Variants in NDST3 observed in about 807,000 individuals in gnomAD.
NDST3 encodes the protein N-deacetylase and N-sulfotransferase 3.
Under a neutral mutation model 96.1 loss-of-function variants are expected in NDST3, and 58 were observed. That is an observed-to-expected ratio of 0.60 (90% confidence interval 0.49 to 0.75). The LOEUF is 0.75. NDST3 is among the 30% of genes least tolerant of loss of function. NDST3 has a pLI of 0.00. For missense variants in NDST3, 788 were observed against 1,034.2 expected (o/e 0.76, Z 3.27); for synonymous variants, 333 against 359.7 (o/e 0.93, Z 0.84).
intron 1 of NDST3, among the ~76,000 whole-genome samples, chr4:118,045,933 G>T (rs1337115226): frequency 1.3e-5 from 2 of 151,802 alleles, no homozygotes; most frequent in Admixed American, 1.3e-4. Context: ...ATAAGGTTTT[G>T]CTCTAAGAAG....
chr4:118,150,938 G>A (rs1345603240), intron 6 of NDST3, among the ~76,000 whole-genome samples: 10 of 151,274 alleles, frequency 6.6e-5, no homozygotes, highest in Admixed American at 1.3e-4. Flanking sequence ...ACATGCACAC[G>A]TATGTTTATT....
chr4:118,096,174 T>C (rs995671999), intron 2 of NDST3, among the ~76,000 whole-genome samples: 1 of 151,900 alleles, frequency 6.6e-6, no homozygotes, highest in Non-Finnish European at 1.5e-5. Flanking sequence ...CTGAACCACA[T>C]TACAGTCCCA....
At chr4:118,199,396 G>A (rs1381340967) in intron 6 of NDST3, among the ~76,000 whole-genome samples, 1 of 152,034 alleles carries the variant, frequency 6.6e-6, no homozygotes, top group African/African-American at 2.4e-5. Context: ...CAGAATTTCT[G>A]CATGATCCTT....
rs186942954 is a variant in NDST3, at chr4:118,218,794, C to G, written c.1540-5697C>G. On this transcript the variant is annotated intron_variant, in intron 6 of 13. Coordinates refer to ENST00000296499, the MANE Select transcript of NDST3 (RefSeq NM_004784.3). ...GCATGATTCTATACTTAGAAAACCCCATCGTCTCAGCTCCAAACTCGTTAA... is the reference window on the plus strand; with the variant it reads ...GCATGATTCTATACTTAGAAAACCCGATCGTCTCAGCTCCAAACTCGTTAA... 9.2e-4 allele frequency among the ~76,000 whole-genome samples: 140 copies of G among 152,164 alleles called. 3 individuals carry two copies. In the East Asian group the frequency reaches 0.027, roughly 29 times the overall value.
chr4:118,125,084 A>G (rs930433853), intron 4 of NDST3, among the ~76,000 whole-genome samples: 5 of 152,074 alleles, frequency 3.3e-5, no homozygotes, highest in African/African-American at 7.2e-5. Flanking sequence ...GCCTACCCTA[A>G]GATCAGGCTG....
intron 8 of NDST3, 110 bp from the exon 9 acceptor site, chr4:118,232,902 G>T: frequency 1.9e-6 from 2 of 1,081,058 alleles, no homozygotes; most frequent in Non-Finnish European, 1.3e-6. Context: ...AGCAGTAGTT[G>T]TAATAAATCT....
At chr4:118,143,715 A>G in intron 6 of NDST3, 31 bp downstream of exon 6, 2 of 1,554,600 alleles carry the variant, frequency 1.3e-6, no homozygotes, top group Non-Finnish European at 1.7e-6. Context: ...ATAAATAGTG[A>G]AAAATGATAG....
intron 1 of NDST3, among the ~76,000 whole-genome samples, chr4:118,035,496 C>A (rs1196036336): frequency 6.8e-6 from 1 of 147,690 alleles, no homozygotes; most frequent in African/African-American, 2.5e-5. Context: ...CAATGCTGTT[C>A]ACCACCAGAG....
At chr4:118,158,756 A>G (rs1734880728) in intron 6 of NDST3, among the ~76,000 whole-genome samples, 1 of 152,246 alleles carries the variant, frequency 6.6e-6, no homozygotes, top group African/African-American at 2.4e-5. Context: ...GAGTAACTTA[A>G]CAAGATAAGC....
At chr4:118,201,081 T>A (rs1738048025) in intron 6 of NDST3, among the ~76,000 whole-genome samples, 1 of 152,334 alleles carries the variant, frequency 6.6e-6, no homozygotes, top group African/African-American at 2.4e-5. Context: ...GATTATGGCC[T>A]CCAGCTCCAT....
chr4:118,199,120 T>C (rs1390534888), intron 6 of NDST3, among the ~76,000 whole-genome samples: 2 of 152,214 alleles, frequency 1.3e-5, no homozygotes, highest in East Asian at 3.9e-4. Flanking sequence ...CTCTCTGTTA[T>C]TATCCCTTTG....
chr4:118,049,079 CT>C (rs1724929224), intron 1 of NDST3, among the ~76,000 whole-genome samples: 1 of 152,124 alleles, frequency 6.6e-6, no homozygotes, highest in Admixed American at 6.6e-5. Context: ...TCTCTCAAAA[CT>C]ACACAATTAT....
chr4:118,153,929 GAAAGA>G (rs1734570259), intron 6 of NDST3, among the ~76,000 whole-genome samples: 1 of 152,012 alleles, frequency 6.6e-6, no homozygotes, highest in Non-Finnish European at 1.5e-5. Context: ...AAATAAACTA[GAAAGA>G]ACTCAGCAGA....
chr4:118,112,717 A>T (rs11937777), intron 3 of NDST3, among the ~76,000 whole-genome samples: 114,455 of 151,946 alleles, frequency 0.75, 45,755 homozygotes, highest in South Asian at 0.92. Flanking sequence ...CACCTTATTT[A>T]TCACCTCGAA....
Position 118,246,845 on chromosome 4 carries a change from G to A in NDST3, c.2399+4696G>A, listed in dbSNP as rs1203719502. On this transcript the variant is annotated intron_variant, in intron 12 of 13. Transcript: ENST00000296499. ...GATTCAATTACCTCCAGCTGGTCCC[G>A]CCCTTGACACGTGGGGATTATTAAA... 2.6e-5 allele frequency among the ~76,000 whole-genome samples: 4 copies of A among 152,088 alleles called. No homozygotes were observed. The South Asian group carries it at 6.2e-4, about 24-fold the overall frequency.
At chr4:118,120,261 A>T (rs1392102508) in intron 4 of NDST3, among the ~76,000 whole-genome samples, 2 of 152,078 alleles carry the variant, frequency 1.3e-5, no homozygotes, top group African/African-American at 4.8e-5. Flanking sequence ...ATTCCCAGTT[A>T]CCAAGAGAGG....
intron 1 of NDST3, among the ~76,000 whole-genome samples, chr4:118,047,165 C>A (rs980758342): frequency 3.3e-5 from 5 of 152,224 alleles, no homozygotes; most frequent in African/African-American, 9.6e-5. Flanking sequence ...CTACTATACA[C>A]CCCTGTGAAA....
intron 1 of NDST3, among the ~76,000 whole-genome samples, chr4:118,043,033 T>C (rs1049613806): frequency 3.9e-5 from 6 of 152,212 alleles, no homozygotes; most frequent in African/African-American, 1.4e-4. Flanking sequence ...ATTCCTAATA[T>C]CCTAATATAC....
chr4:118,084,694 T>G (rs550354489), intron 2 of NDST3, among the ~76,000 whole-genome samples: 1 of 152,364 alleles, frequency 6.6e-6, no homozygotes, highest in South Asian at 2.1e-4. Context: ...TGTGTTTTAC[T>G]TTTAGAGATA....
Sources: gnomAD v4.1 joint callset for allele counts (sites outside exome capture counted in the v4.1 genomes callset) on GRCh38, gnomAD v4.1.1 for gene constraint, MANE v1.5 for transcripts, NCBI Gene and HGNC (gene_info 2026-07-23, HGNC 2026-07-21) for gene names.